The following OSBPL9 variants were observed in gnomAD, a reference collection of about 807,000 sequenced individuals.
OSBPL9 encodes oxysterol binding protein like 9.
A neutral mutation model predicts 106.6 loss-of-function variants in OSBPL9; 40 were observed. That is an observed-to-expected ratio of 0.38 (90% confidence interval 0.29 to 0.49). OSBPL9 has a LOEUF of 0.49. Among genes scored for constraint, OSBPL9 ranks in the 20% least tolerant of loss-of-function variants. The probability of loss-of-function intolerance (pLI) is 0.97; values close to 1 mark genes in which losing one functional copy is unlikely to be tolerated. For synonymous variants in OSBPL9, 269 were observed against 295.4 expected, an observed-to-expected ratio of 0.91 and a Z score of 0.92; for missense variants, 609 against 887.2, an observed-to-expected ratio of 0.69 and a Z score of 3.98.
intron 12 of OSBPL9, among the ~76,000 whole-genome samples, chr1:51,766,480 T>C (rs939241158): frequency 1.2e-4 from 19 of 152,082 alleles, no homozygotes; most frequent in Admixed American, 5.9e-4. Flanking sequence ...ACAGGGAACT[T>C]TTGGGGGAAT....
At chr1:51,643,914 T>C (rs767116640) in intron 1 of OSBPL9, among the ~76,000 whole-genome samples, 3 of 150,734 alleles carry the variant, frequency 2.0e-5, no homozygotes, top group Admixed American at 6.6e-5. Context: ...ACCCCTTCTC[T>C]ACAAGGAAAA....
At chr1:51,525,655 C>T in the OSBPL9 span, among the ~76,000 whole-genome samples, 1 of 152,346 alleles carries the variant, frequency 6.6e-6, no homozygotes, top group East Asian at 1.9e-4. Context: ...GACCACTTTT[C>T]ACCACCTCCA....
chr1:51,658,219 A>G (rs568275444), intron 2 of OSBPL9, among the ~76,000 whole-genome samples: 1 of 152,270 alleles, frequency 6.6e-6, no homozygotes, highest in African/African-American at 2.4e-5. Context: ...ACTTGAGGCA[A>G]CTTTTCAGCT....
At chr1:51,610,034 AC>A (rs1366459946) in intron 2 of OSBPL9, among the ~76,000 whole-genome samples, 1 of 151,992 alleles carries the variant, frequency 6.6e-6, no homozygotes, top group African/African-American at 2.4e-5. Context: ...GGTGTGAGTC[AC>A]CACTCCCGGC....
chr1:51,563,102 C>T, the OSBPL9 span, among the ~76,000 whole-genome samples: 2 of 151,940 alleles, frequency 1.3e-5, no homozygotes, highest in South Asian at 4.2e-4. Flanking sequence ...CCCAGCTACT[C>T]GGGAGGCTGA....
At chr1:51,582,329 G>A (rs568746116) in intron 1 of OSBPL9, among the ~76,000 whole-genome samples, 4 of 151,982 alleles carry the variant, frequency 2.6e-5, no homozygotes, top group African/African-American at 9.6e-5. Context: ...AGCTTCAACA[G>A]TCTTTTATTT....
chr1:51,679,485 T>C (rs1046159548), intron 3 of OSBPL9, among the ~76,000 whole-genome samples: 1 of 152,242 alleles, frequency 6.6e-6, no homozygotes, highest in Non-Finnish European at 1.5e-5. Context: ...TATTTCCTTC[T>C]GATCCTTCAG....
the OSBPL9 span, among the ~76,000 whole-genome samples, chr1:51,523,862 C>T: frequency 1.3e-5 from 2 of 152,172 alleles, no homozygotes; most frequent in East Asian, 1.9e-4. Flanking sequence ...GTCATATCAA[C>T]GCTTCATGAA....
At chr1:51,545,797 G>C in the OSBPL9 span, among the ~76,000 whole-genome samples, 6 of 152,164 alleles carry the variant, frequency 3.9e-5, no homozygotes, top group Admixed American at 3.9e-4. Flanking sequence ...AAAATCAAGA[G>C]ATGCTTAATT....
At position 51,623,713 on chromosome 1, in the gene OSBPL9, T is replaced by TAA. The variant is rs59845701; in HGVS notation, c.111+6498_111+6499dup. The stretch of plus-strand genomic sequence containing the variant: ...GTCTTTAGCAATGTTTAGTAGATGA[T>TAA]AAAAAAATCTACCATCTAATTATTA... On this transcript the variant is annotated intron_variant, in intron 1 of 23. Coordinates refer to ENST00000428468, the MANE Select transcript of OSBPL9 (RefSeq NM_024586.6). Among the ~76,000 whole-genome samples, 968 of 152,098 alleles carry TAA rather than the reference T, an allele frequency of 6.4e-3. 7 individuals are homozygous for TAA. The highest frequency in any genetic ancestry group is 0.011 in the Non-Finnish European group (757 of 67,990).
chr1:51,600,350 C>T (rs182868603), intron 2 of OSBPL9, among the ~76,000 whole-genome samples: 67 of 152,222 alleles, frequency 4.4e-4, no homozygotes, highest in African/African-American at 1.5e-3. Flanking sequence ...TTACCAACTG[C>T]GTGATCCTGA....
chr1:51,653,737 G>A (rs923034368), intron 2 of OSBPL9, among the ~76,000 whole-genome samples: 1 of 152,170 alleles, frequency 6.6e-6, no homozygotes, highest in South Asian at 2.1e-4. Flanking sequence ...TGGAGCTCAC[G>A]CCTTTAATCC....
At chr1:51,692,140 C>G (rs1655100188) in intron 3 of OSBPL9, among the ~76,000 whole-genome samples, 1 of 151,972 alleles carries the variant, frequency 6.6e-6, no homozygotes, top group South Asian at 2.1e-4. Context: ...GACCCTGTGT[C>G]TACAAATAAT....
chr1:51,746,890 C>A, intron 6 of OSBPL9, 133 bp downstream of exon 6: 1 of 631,596 alleles, frequency 1.6e-6, no homozygotes, highest in Non-Finnish European at 2.7e-6. Context: ...GCCATATGGA[C>A]CTCAAGGGTA....
intron 1 of OSBPL9, among the ~76,000 whole-genome samples, chr1:51,630,962 G>A (rs1167686964): frequency 6.6e-6 from 1 of 152,022 alleles, no homozygotes; most frequent in Non-Finnish European, 1.5e-5. Context: ...AAATACAACT[G>A]CCCAATGGGT....
chr1:51,598,264 A>G (rs897528698), intron 2 of OSBPL9: 4 of 152,284 alleles, frequency 2.6e-5, no homozygotes, highest in Admixed American at 2.0e-4. Context: ...GAGCTGGAAC[A>G]TAAGGTTCCT....
At chr1:51,650,714 TTGC>T (rs1187432874) in intron 1 of OSBPL9, among the ~76,000 whole-genome samples, 1 of 152,224 alleles carries the variant, frequency 6.6e-6, no homozygotes, top group African/African-American at 2.4e-5. Context: ...TTGGCTTGTT[TTGC>T]TGCTTTCTCA....
the OSBPL9 span, among the ~76,000 whole-genome samples, chr1:51,536,242 C>T: frequency 1.3e-5 from 2 of 152,166 alleles, no homozygotes; most frequent in Non-Finnish European, 2.9e-5. Flanking sequence ...AGGTTCTGAT[C>T]CAGTGCCTGA....
chr1:51,711,342 C>A (rs1161695804), intron 3 of OSBPL9, among the ~76,000 whole-genome samples: 1 of 146,270 alleles, frequency 6.8e-6, no homozygotes, highest in South Asian at 2.2e-4. Flanking sequence ...GGGGCTGACC[C>A]CCCCACCTCC....
Sources: gnomAD v4.1 joint callset for allele counts (sites outside exome capture counted in the v4.1 genomes callset) on GRCh38, gnomAD v4.1.1 for gene constraint, MANE v1.5 for transcripts, NCBI Gene and HGNC (gene_info 2026-07-23, HGNC 2026-07-21) for gene names.